SLC1A2: variants seen among roughly 807,000 people sequenced by gnomAD.
The protein encoded by SLC1A2 is excitatory amino acid transporter 2.
SLC1A2 carries 15 observed loss-of-function variants against 48.8 expected under a neutral mutation model. The ratio of observed to expected loss-of-function variants is 0.31; its 90% CI spans 0.21 to 0.47. The LOEUF (loss-of-function observed/expected upper bound fraction) is 0.47, where lower values mean the gene tolerates loss of function less well. Ranked by LOEUF, SLC1A2 falls within the 20% of genes least tolerant of loss-of-function variation. The pLI is 0.99. For synonymous variants in SLC1A2, 279 were observed against 272.6 expected (o/e 1.02, Z -0.23); for missense variants, 502 against 730.5 (o/e 0.69, Z 3.61).
At chr11:35,363,797 T>G (rs1363212862) in intron 1 of SLC1A2, among the ~76,000 whole-genome samples, 1 of 152,152 alleles carries the variant, frequency 6.6e-6, no homozygotes, top group Admixed American at 6.6e-5. Context: ...GTGTAGTACT[T>G]GGTACTCAAT....
intron 5 of SLC1A2, among the ~76,000 whole-genome samples, 158 bp downstream of exon 5, chr11:35,305,916 C>T (rs1418234412): frequency 6.6e-6 from 1 of 152,136 alleles, no homozygotes; most frequent in African/African-American, 2.4e-5. Flanking sequence ...TTCCTTAAAT[C>T]GCTCAGCTCT....
At chr11:35,316,553 A>G (rs1851885551) in intron 2 of SLC1A2, 1 of 152,442 alleles carries the variant, frequency 6.6e-6, no homozygotes, top group East Asian at 1.9e-4. Context: ...CAACCAAGGC[A>G]TCTGTCTCAA....
In SLC1A2 at chr11:35,265,751, T is replaced by A. The variant is rs1278029368; in HGVS notation, c.1429A>T (p.Met477Leu). The A allele has an allele frequency of 6.2e-7, 1 of 1,608,174 alleles. No homozygotes were observed. The highest frequency in any genetic ancestry group is 8.5e-7 in the Non-Finnish European group (1 of 1,174,884). ...LVAVDWLLDR[M>L]RTSVNVVGDS... ...CCCACAACATTGACTGAAGTTCTCA[T>A]CCTGTCCCTGGGGACAAAGAACAGA... Residue 477 changes from methionine (M) to leucine (L), a missense_variant, in exon 10 of 11, where the codon ATG becomes TTG. By Grantham distance (15) the Met-to-Leu change is conservative (BLOSUM62 2). Coordinates refer to ENST00000278379, the MANE Select transcript of SLC1A2 (RefSeq NM_004171.4).
At chr11:35,346,044 C>T (rs955171071) in intron 1 of SLC1A2, among the ~76,000 whole-genome samples, 4 of 152,000 alleles carry the variant, frequency 2.6e-5, no homozygotes, top group South Asian at 2.1e-4. Context: ...ACAATTAAAA[C>T]GCAGACCCAT....
At chr11:35,271,393 A>C (rs1738252122) in intron 9 of SLC1A2, among the ~76,000 whole-genome samples, 1 of 152,208 alleles carries the variant, frequency 6.6e-6, no homozygotes, top group Non-Finnish European at 1.5e-5. Flanking sequence ...GAGAGAATGC[A>C]GAGTGTAAAA....
At chr11:35,353,802 C>CT (rs1565269095) in intron 1 of SLC1A2, among the ~76,000 whole-genome samples, 1 of 152,164 alleles carries the variant, frequency 6.6e-6, no homozygotes, top group African/African-American at 2.4e-5. Flanking sequence ...TATTATTGTG[C>CT]TTTTGCCCCG....
chr11:35,295,851 G>A (rs1851155439), intron 6 of SLC1A2, among the ~76,000 whole-genome samples: 1 of 152,180 alleles, frequency 6.6e-6, no homozygotes. Context: ...AAGCTACCTA[G>A]AATTCAGTCG....
At chr11:35,317,726 C>T (rs919421425) in intron 1 of SLC1A2, among the ~76,000 whole-genome samples, 1 of 152,192 alleles carries the variant, frequency 6.6e-6, no homozygotes, top group Non-Finnish European at 1.5e-5. Context: ...AGGAAAGGAA[C>T]ACCGCATGCA....
At chr11:35,405,377 C>G (rs1855255855) in intron 1 of SLC1A2, among the ~76,000 whole-genome samples, 1 of 150,408 alleles carries the variant, frequency 6.6e-6, no homozygotes, top group South Asian at 2.1e-4. Context: ...TTGTCTGCTT[C>G]TGGTAACTTT....
intron 1 of SLC1A2, among the ~76,000 whole-genome samples, chr11:35,357,037 C>T (rs1853498543): frequency 6.6e-6 from 1 of 151,686 alleles, no homozygotes; most frequent in Non-Finnish European, 1.5e-5. Flanking sequence ...GTCAGGAGAT[C>T]GAGACCATCC....
chr11:35,334,290 T>C (rs1038607145), intron 1 of SLC1A2, among the ~76,000 whole-genome samples: 1 of 152,224 alleles, frequency 6.6e-6, no homozygotes, highest in Admixed American at 6.5e-5. Context: ...CATACCTGCC[T>C]GGCTCTCATT....
At chr11:35,376,857 C>T (rs116282587) in intron 1 of SLC1A2, among the ~76,000 whole-genome samples, 37 of 152,292 alleles carry the variant, frequency 2.4e-4, no homozygotes, top group African/African-American at 8.9e-4. Flanking sequence ...TCCTCAATGT[C>T]GCTATTCGAC....
intron 7 of SLC1A2, among the ~76,000 whole-genome samples, chr11:35,289,931 T>C (rs1317952535): frequency 6.6e-6 from 1 of 151,914 alleles, no homozygotes; most frequent in Non-Finnish European, 1.5e-5. Context: ...GACGAATACC[T>C]CAACAGGAAA....
At chr11:35,297,647 G>GA (rs934257224) in intron 6 of SLC1A2, 29 of 151,878 alleles carry the variant, frequency 1.9e-4, no homozygotes, top group Non-Finnish European at 4.1e-4. Flanking sequence ...TTCAAATTTT[G>GA]AAAAAAATGT....
intron 1 of SLC1A2, chr11:35,352,134 AC>A (rs1295337028): frequency 6.6e-6 from 1 of 151,134 alleles, no homozygotes; most frequent in African/African-American, 2.4e-5. Flanking sequence ...AAGCTGACTG[AC>A]CAAAAAGGAA....
chr11:35,382,102 T>A (rs1202529340), intron 1 of SLC1A2, among the ~76,000 whole-genome samples: 2 of 152,202 alleles, frequency 1.3e-5, no homozygotes, highest in Non-Finnish European at 2.9e-5. Context: ...TGGAACAACT[T>A]GTGCAAGATG....
chr11:35,304,088 G>C (rs1023786943), intron 5 of SLC1A2, among the ~76,000 whole-genome samples: 4 of 152,088 alleles, frequency 2.6e-5, no homozygotes, highest in Non-Finnish European at 4.4e-5. Flanking sequence ...TGTAAACATT[G>C]CCTAATTGAA....
chr11:35,326,634 C>T (rs1415022098), intron 1 of SLC1A2, among the ~76,000 whole-genome samples: 1 of 152,192 alleles, frequency 6.6e-6, no homozygotes, highest in Non-Finnish European at 1.5e-5. Flanking sequence ...GGCAATGTAG[C>T]ATCAATCCCA....
intron 6 of SLC1A2, among the ~76,000 whole-genome samples, chr11:35,293,014 G>A (rs1851062128): frequency 6.6e-6 from 1 of 151,536 alleles, no homozygotes; most frequent in African/African-American, 2.4e-5. Flanking sequence ...AGAGAACAAG[G>A]AAATCATCTG....
Sources: gnomAD v4.1 joint callset for allele counts (sites outside exome capture counted in the v4.1 genomes callset) on GRCh38, gnomAD v4.1.1 for gene constraint, MANE v1.5 for transcripts, NCBI Gene and HGNC (gene_info 2026-07-23, HGNC 2026-07-21) for gene names.